Variants in DLGAP2 observed in about 807,000 individuals in gnomAD.
The protein encoded by DLGAP2 is DLG associated protein 2, also known as disks large-associated protein 2.
In DLGAP2, 26 loss-of-function variants were observed where a neutral mutation model predicts 100.3. The ratio of observed to expected loss-of-function variants is 0.26; its 90% CI spans 0.19 to 0.36. DLGAP2 has a LOEUF of 0.36. DLGAP2 is among the 10% of genes least tolerant of loss of function. The probability of loss-of-function intolerance (pLI) is 1.00; values close to 1 mark genes in which losing one functional copy is unlikely to be tolerated. For missense variants in DLGAP2, 1,858 were observed against 1,453.2 expected (o/e 1.28, Z -4.53); for synonymous variants, 886 against 630.1 (o/e 1.41, Z -6.08).
At chr8:1,129,286 C>G (rs1428434886) in intron 2 of DLGAP2, among the ~76,000 whole-genome samples, 1 of 151,802 alleles carries the variant, frequency 6.6e-6, no homozygotes, top group African/African-American at 2.4e-5. Context: ...GCCTGTGTTC[C>G]CAGCTGCTCG....
chr8:1,336,825 A>AT (rs1402067869), intron 3 of DLGAP2, among the ~76,000 whole-genome samples: 1 of 147,922 alleles, frequency 6.8e-6, no homozygotes, highest in Non-Finnish European at 1.5e-5. Flanking sequence ...ACATACACAC[A>AT]TTTTTCCTAA....
At chr8:1,157,430 C>A (rs993951033) in intron 2 of DLGAP2, among the ~76,000 whole-genome samples, 1 of 152,146 alleles carries the variant, frequency 6.6e-6, no homozygotes, top group African/African-American at 2.4e-5. Flanking sequence ...TAATTAGAAA[C>A]CAAATTTTGC....
chr8:847,110 G>C (rs989929899), intron 1 of DLGAP2, among the ~76,000 whole-genome samples: 1 of 152,016 alleles, frequency 6.6e-6, no homozygotes, highest in African/African-American at 2.4e-5. Context: ...CATGGGCCTG[G>C]GTGTTTTCTT....
intron 3 of DLGAP2, among the ~76,000 whole-genome samples, chr8:1,456,247 G>A (rs1041816132): frequency 2.6e-5 from 4 of 152,148 alleles, no homozygotes; most frequent in Non-Finnish European, 4.4e-5. Context: ...TGTGCTGCAC[G>A]CTGCCTTCCT....
chr8:1,365,261 C>T (rs879940438), intron 3 of DLGAP2, among the ~76,000 whole-genome samples: 1 of 152,164 alleles, frequency 6.6e-6, no homozygotes, highest in African/African-American at 2.4e-5. Context: ...CTCCCAGAGC[C>T]TCAAGCTCCG....
At chr8:1,593,457 A>T (rs1307591298) in intron 6 of DLGAP2, among the ~76,000 whole-genome samples, 1 of 151,816 alleles carries the variant, frequency 6.6e-6, no homozygotes, top group Non-Finnish European at 1.5e-5. Context: ...TCCGTCTCAA[A>T]AATAATAATA....
chr8:1,125,892 T>C (rs769977861), intron 2 of DLGAP2, among the ~76,000 whole-genome samples: 2 of 152,180 alleles, frequency 1.3e-5, no homozygotes, highest in African/African-American at 2.4e-5. Flanking sequence ...CAGGGAGGAC[T>C]GTGGGAGTTG....
At chr8:1,037,771 G>A (rs972234589) in intron 2 of DLGAP2, among the ~76,000 whole-genome samples, 1 of 152,170 alleles carries the variant, frequency 6.6e-6, no homozygotes, top group Non-Finnish European at 1.5e-5. Context: ...CAAGCAGGCT[G>A]GTTCCCTCTG....
intron 1 of DLGAP2, among the ~76,000 whole-genome samples, chr8:893,556 A>T (rs754430041): frequency 6.6e-6 from 1 of 152,198 alleles, no homozygotes; most frequent in Non-Finnish European, 1.5e-5. Flanking sequence ...GCGGTCTTGG[A>T]TGAAGCTGCC....
chr8:1,173,720 T>A (rs901530471), intron 2 of DLGAP2, among the ~76,000 whole-genome samples: 1 of 152,192 alleles, frequency 6.6e-6, no homozygotes, highest in African/African-American at 2.4e-5. Flanking sequence ...CGCCATTTTT[T>A]AAGCCCATCG....
chr8:1,081,905 C>T (rs1027280537), intron 2 of DLGAP2, among the ~76,000 whole-genome samples: 19 of 152,150 alleles, frequency 1.2e-4, no homozygotes, highest in Non-Finnish European at 1.3e-4. Context: ...TGCTCCTACC[C>T]CTGGCCACTT....
chr8:1,134,531 C>CATTAA (rs55780433), intron 2 of DLGAP2, among the ~76,000 whole-genome samples: 134,616 of 151,866 alleles, frequency 0.89, 59,797 homozygotes, highest in African/African-American at 0.91. Flanking sequence ...CAGGAATTTG[C>CATTAA]ATTAATTAAT....
At chr8:948,537 G>C in intron 2 of DLGAP2, among the ~76,000 whole-genome samples, 1 of 152,232 alleles carries the variant, frequency 6.6e-6, no homozygotes, top group East Asian at 1.9e-4. Flanking sequence ...CCTCCGCTCT[G>C]CTCCCTGAGC....
intron 2 of DLGAP2, chr8:926,941 C>G: frequency 1.2e-6 from 1 of 842,826 alleles, no homozygotes; most frequent in East Asian, 1.2e-4. Flanking sequence ...TTAAATGCCT[C>G]TGCGCTGTGG....
chr8:773,918 G>A (rs1406440544), intron 1 of DLGAP2, among the ~76,000 whole-genome samples: 3 of 152,144 alleles, frequency 2.0e-5, no homozygotes, highest in Non-Finnish European at 4.4e-5. Context: ...CAGAGGAATC[G>A]CCACACTGAC....
chr8:1,120,989 C>G (rs1439367109), intron 2 of DLGAP2, among the ~76,000 whole-genome samples: 1 of 151,224 alleles, frequency 6.6e-6, no homozygotes, highest in African/African-American at 2.4e-5. Context: ...CCTTCAGAAC[C>G]CAAGACCTCC....
intron 3 of DLGAP2, among the ~76,000 whole-genome samples, chr8:1,348,380 T>C (rs1444359385): frequency 6.7e-6 from 1 of 149,168 alleles, no homozygotes; most frequent in Non-Finnish European, 1.5e-5. Context: ...TGTGTGGAGG[T>C]TGAGTTCCCA....
chr8:1,133,999 C>A (rs1051414922), intron 2 of DLGAP2, among the ~76,000 whole-genome samples: 2 of 152,022 alleles, frequency 1.3e-5, no homozygotes, highest in African/African-American at 2.4e-5. Flanking sequence ...CCCTCCTCCC[C>A]CCTCCACCTC....
intron 6 of DLGAP2, among the ~76,000 whole-genome samples, chr8:1,580,792 C>G (rs1182722901): frequency 6.7e-6 from 1 of 149,272 alleles, no homozygotes; most frequent in African/African-American, 2.5e-5. Flanking sequence ...CCCCACACAT[C>G]TACACACCAC....
Sources: gnomAD v4.1 joint callset for allele counts (sites outside exome capture counted in the v4.1 genomes callset) on GRCh38, gnomAD v4.1.1 for gene constraint, MANE v1.5 for transcripts, NCBI Gene and HGNC (gene_info 2026-07-23, HGNC 2026-07-21) for gene names.